PRKD3: variants seen among roughly 807,000 people sequenced by gnomAD.
The protein encoded by PRKD3 is serine/threonine-protein kinase D3.
Under a neutral mutation model 99.2 loss-of-function variants are expected in PRKD3, and 47 were observed. The ratio of observed to expected loss-of-function variants is 0.47; its 90% CI spans 0.38 to 0.60. PRKD3 has a LOEUF of 0.60. Ranked by LOEUF, PRKD3 falls within the 20% of genes least tolerant of loss-of-function variation. The pLI is 0.00. For missense variants in PRKD3, 1,019 were observed against 1,088.4 expected, an observed-to-expected ratio of 0.94 and a Z score of 0.90; for synonymous variants, 392 against 355.4, an observed-to-expected ratio of 1.10 and a Z score of -1.16.
intron 3 of PRKD3, among the ~76,000 whole-genome samples, chr2:37,291,461 G>A (rs1261380948): frequency 1.3e-5 from 2 of 152,216 alleles, no homozygotes; most frequent in Non-Finnish European, 2.9e-5. Context: ...GTGGATATGA[G>A]AAAGAAACTC....
chr2:37,282,658 G>C, intron 6 of PRKD3, 39 bp from the exon 7 acceptor site: 1 of 1,367,334 alleles, frequency 7.3e-7, no homozygotes, highest in South Asian at 1.2e-5. Flanking sequence ...TTATGTAAAA[G>C]TCAAGCAGTA....
At chr2:37,268,619 T>C (rs1165536771) in intron 13 of PRKD3, 1 of 261,358 alleles carries the variant, frequency 3.8e-6, no homozygotes, top group African/African-American at 2.3e-5. Context: ...GATGGAGAAA[T>C]AGGTACGGGG....
chr2:37,256,664 T>C lies in PRKD3; in HGVS notation c.2411A>G (p.Glu804Gly). 2.3e-6 allele frequency: 2 copies of C among 881,942 alleles called. No homozygotes were observed. Among genetic ancestry groups the C allele is most frequent in the Non-Finnish European group, 3.3e-6 (2 of 603,934 alleles). 54.6% of individuals were successfully genotyped at this position (881,942 alleles called of 1,614,324 possible). ...PPNPWREISGEAIDLINNLLQ... is the reference protein window; with the variant it reads ...PPNPWREISGGAIDLINNLLQ... Reference sequence around the variant, plus strand: ...TTTTTTTTTTTTTTTTTTTTTACCTTCACCAGAAATTTCTCTCCATGGATT... The same window carrying C: ...TTTTTTTTTTTTTTTTTTTTTACCTCCACCAGAAATTTCTCTCCATGGATT... The change falls in exon 17 of 19, where the codon GAA (glutamate) becomes GGA (glycine). Residue 804 changes from glutamate (E) to glycine (G), a missense_variant and splice_region_variant. By Grantham distance (98) the Glu-to-Gly change is moderately conservative (BLOSUM62 -2). Transcript: ENST00000234179.
intron 2 of PRKD3, among the ~76,000 whole-genome samples, chr2:37,297,083 T>C (rs1238384382): frequency 6.6e-6 from 1 of 152,032 alleles, no homozygotes; most frequent in African/African-American, 2.4e-5. Flanking sequence ...GAATTCAATA[T>C]ACAAGGATTT....
intron 1 of PRKD3, 87 bp downstream of exon 1, chr2:37,324,594 C>G (rs1283488361): frequency 2.0e-5 from 3 of 148,888 alleles, no homozygotes; most frequent in Non-Finnish European, 3.0e-5. Flanking sequence ...GCCGCCTCAG[C>G]CCGACGGGCC....
chr2:37,304,870 G>T (rs1484714412), intron 2 of PRKD3, among the ~76,000 whole-genome samples: 1 of 151,256 alleles, frequency 6.6e-6, no homozygotes, highest in Non-Finnish European at 1.5e-5. Context: ...TTTGTTATTA[G>T]TTCTGATTAT....
chr2:37,305,386 A>G (rs1028168602), intron 2 of PRKD3, among the ~76,000 whole-genome samples: 10 of 152,240 alleles, frequency 6.6e-5, no homozygotes, highest in Admixed American at 2.6e-4. Context: ...ATTTCTGTAA[A>G]CAGCATTATA....
Position 37,307,435 on chromosome 2 carries a change from C to A in PRKD3, c.288+8802G>T, listed in dbSNP as rs150436137. Among the ~76,000 whole-genome samples, 92 of 152,308 alleles carry A rather than the reference C, an allele frequency of 6.0e-4. 1 individual carries two copies. The East Asian group carries it at 0.017, about 28-fold the overall frequency. ...TAAGCTAGTGGGATCAGCTTGGGCA[C>A]AACTAAGGCACCGGATATATGAAAC... On this transcript the variant is annotated intron_variant, in intron 2 of 18. Coordinates refer to ENST00000234179, the MANE Select transcript of PRKD3 (RefSeq NM_005813.6).
intron 1 of PRKD3, among the ~76,000 whole-genome samples, chr2:37,323,064 TA>T (rs142700498): frequency 0.044 from 6,657 of 151,216 alleles, 159 homozygotes; most frequent in African/African-American, 0.051. Flanking sequence ...TTTCAATTCG[TA>T]ATTTAAAAAA....
intron 2 of PRKD3, among the ~76,000 whole-genome samples, chr2:37,303,515 C>T (rs190815587): frequency 1.3e-3 from 201 of 152,024 alleles, no homozygotes; most frequent in Non-Finnish European, 2.5e-3. Flanking sequence ...ACCTAAGTGC[C>T]GCTGTGGGGC....
At chr2:37,298,749 G>T (rs1443211267) in intron 2 of PRKD3, among the ~76,000 whole-genome samples, 1 of 152,084 alleles carries the variant, frequency 6.6e-6, no homozygotes, top group Non-Finnish European at 1.5e-5. Flanking sequence ...ATATAGAAAT[G>T]CTACTGATTT....
intron 14 of PRKD3, among the ~76,000 whole-genome samples, chr2:37,260,756 T>C (rs1668371677): frequency 6.6e-6 from 1 of 152,226 alleles, no homozygotes; most frequent in African/African-American, 2.4e-5. Flanking sequence ...CCTTTGACTC[T>C]TGGGGGCTGT....
At chr2:37,281,744 G>C (rs904437274) in intron 7 of PRKD3, among the ~76,000 whole-genome samples, 5 of 152,130 alleles carry the variant, frequency 3.3e-5, no homozygotes, top group African/African-American at 1.2e-4. Context: ...CAAGCCACAA[G>C]AGAAAATGTT....
intron 1 of PRKD3, among the ~76,000 whole-genome samples, chr2:37,321,020 T>C (rs896044678): frequency 3.3e-5 from 5 of 152,202 alleles, no homozygotes; most frequent in Non-Finnish European, 5.9e-5. Context: ...AGATGTTGGG[T>C]GAAAAATATT....
Position 37,296,128 on chromosome 2 carries a change from A to C in PRKD3, c.289-2857T>G, listed in dbSNP as rs188047620. Among the ~76,000 whole-genome samples the C allele has an allele frequency of 8.7e-4, 133 of 152,338 alleles. 1 individual carries two copies. The Middle Eastern group carries it at 0.031, about 35-fold the overall frequency. On this transcript the variant is annotated intron_variant, in intron 2 of 18. Coordinates refer to ENST00000234179, the MANE Select transcript of PRKD3 (RefSeq NM_005813.6). ...AAGAGACAAGGAAATTTCTCTCCAG[A>C]AACTATCATCAATAAATCATATGGC...
At position 37,260,391 on chromosome 2, in the gene PRKD3, A is replaced by T. The variant is rs146306275; in HGVS notation, c.1885-7T>A. The T allele has an allele frequency of 6.2e-7, 1 of 1,606,304 alleles. No homozygotes were observed. Among genetic ancestry groups the T allele is most frequent in the African/African-American group, 1.3e-5 (1 of 74,816 alleles). Reference sequence around the variant, plus strand: ...TCCCAGGATGGTGCAAATTCTGAAGAGAGGTTGCAAGATACATGAGCAACT... The same window carrying T: ...TCCCAGGATGGTGCAAATTCTGAAGTGAGGTTGCAAGATACATGAGCAACT... On this transcript the variant is annotated splice_polypyrimidine_tract_variant and splice_region_variant and intron_variant, in intron 14 of 18. Transcript: ENST00000234179.
chr2:37,286,261 C>G lies in PRKD3; in HGVS notation c.826G>C (p.Val276Leu). ...ATCGTGGGACGGGTGTAAGAGTGAA[C>G]AGCAAATGTGTGTGGAACTTTCACT... is the stretch of plus-strand genomic sequence containing the variant. ...CRVKVPHTFA[V>L]HSYTRPTICQ... The change falls in exon 6 of 19, where the codon GTT (valine) becomes CTT (leucine). Residue 276 changes from valine (V) to leucine (L), a missense_variant. Around this residue, in one of 3 missense-constraint regions of PRKD3, gnomAD observed 710 missense variants for 692.7 expected, o/e 1.02. Coordinates refer to ENST00000234179, the MANE Select transcript of PRKD3 (RefSeq NM_005813.6). 6.2e-7 allele frequency: 1 copy of G among 1,614,034 alleles called. No individual in the cohort carries two copies. Among genetic ancestry groups the G allele is most frequent in the Non-Finnish European group, 8.5e-7 (1 of 1,179,952 alleles).
chr2:37,321,033 A>T (rs1402643974), intron 1 of PRKD3, among the ~76,000 whole-genome samples: 3 of 152,198 alleles, frequency 2.0e-5, no homozygotes, highest in African/African-American at 7.2e-5. Context: ...AAAATATTAA[A>T]ACTAAATATT....
At chr2:37,289,835 A>G (rs956258857) in intron 4 of PRKD3, among the ~76,000 whole-genome samples, 7 of 152,320 alleles carry the variant, frequency 4.6e-5, no homozygotes, top group Non-Finnish European at 8.8e-5. Flanking sequence ...GAGGCCCAGC[A>G]AAGTGTGTTT....
Sources: gnomAD v4.1 joint callset for allele counts (sites outside exome capture counted in the v4.1 genomes callset) on GRCh38, gnomAD v4.1.1 for gene constraint, gnomAD v4.1.1 regional missense constraint, MANE v1.5 for transcripts, NCBI Gene and HGNC (gene_info 2026-07-23, HGNC 2026-07-21) for gene names.